Variants in CCT8 observed in about 807,000 individuals in gnomAD.
CCT8 encodes the protein chaperonin containing TCP1 subunit 8, also known as T-complex protein 1 subunit theta.
CCT8 carries 10 observed loss-of-function variants against 65.7 expected under a neutral mutation model. The ratio of observed to expected loss-of-function variants is 0.15; its 90% CI spans 0.09 to 0.26. CCT8 has a LOEUF of 0.26. Ranked by LOEUF, CCT8 falls within the 10% of genes least tolerant of loss-of-function variation. The pLI, the probability that CCT8 is intolerant of heterozygous loss-of-function variation, is 1.00. For missense variants in CCT8, 568 were observed against 669.1 expected (o/e 0.85, Z 1.67); for synonymous variants, 199 against 221.8 (o/e 0.90, Z 0.92).
chr21:29,062,703 T>C, intron 8 of CCT8, 147 bp from the exon 9 acceptor site: 1 of 668,144 alleles, frequency 1.5e-6, no homozygotes, highest in Non-Finnish European at 2.5e-6. Flanking sequence ...TGGATTGCAA[T>C]GAACACTAAG....
At chr21:29,066,205 G>T (rs566566521) in intron 6 of CCT8, among the ~76,000 whole-genome samples, 2 of 152,056 alleles carry the variant, frequency 1.3e-5, no homozygotes, top group Non-Finnish European at 2.9e-5. Context: ...TAAATAGGTA[G>T]TAGTATTATT....
At chr21:29,060,237 T>C (rs1345239961) in intron 14 of CCT8, 1 of 183,650 alleles carries the variant, frequency 5.4e-6, no homozygotes, top group African/African-American at 2.4e-5. Flanking sequence ...TTCAAGCTGG[T>C]GGTCTGCAAT....
rs2085631094 is a variant in CCT8, at chr21:29,067,004, G to A, written c.449C>T (p.Ser150Phe). The A allele has an allele frequency of 1.9e-6, 3 of 1,613,472 alleles. No individual in the cohort carries two copies. The highest frequency in any genetic ancestry group is 1.3e-5 in the African/African-American group (1 of 74,888). The stretch of plus-strand genomic sequence containing the variant: ...ATCAATATCTCGAAGGTTTTTTGCA[G>A]AACAACATACCAAATTAGGAAGAAT... The part of the protein sequence containing the change: ...HEILPNLVCC[S>F]AKNLRDIDEV... Residue 150 changes from serine to phenylalanine, a missense_variant, in exon 5 of 15, where the codon TCT becomes TTT. Transcript: ENST00000286788.
intron 4 of CCT8, 43 bp downstream of exon 4, chr21:29,067,513 T>C: frequency 1.4e-6 from 2 of 1,419,100 alleles, no homozygotes; most frequent in Non-Finnish European, 1.8e-6. Context: ...GGTGTATATG[T>C]AAGCAAAAAT....
chr21:29,073,625 C>T lies in CCT8; in HGVS notation c.-35G>A, dbSNP rs1390142378. On this transcript the variant is annotated 5_prime_UTR_variant, in exon 1 of 15. Transcript: ENST00000286788. ...GCAGGAAGCAGTTCACGCGACCGCTCGGAAGACCGCGGAGGAAGCGAGGAG... is the reference window on the plus strand; with the variant it reads ...GCAGGAAGCAGTTCACGCGACCGCTTGGAAGACCGCGGAGGAAGCGAGGAG... 5.6e-6 allele frequency: 9 copies of T among 1,601,840 alleles called. No homozygotes were observed. The highest frequency in any genetic ancestry group is 6.0e-6 in the Non-Finnish European group (7 of 1,169,740).
intron 6 of CCT8, among the ~76,000 whole-genome samples, chr21:29,065,813 T>G (rs1316091479): frequency 2.0e-5 from 3 of 152,354 alleles, no homozygotes; most frequent in East Asian, 1.9e-4. Context: ...CTGGGCGCGG[T>G]GGCTCACACC....
rs767175745 is a variant in CCT8, at chr21:29,060,579, C to A, written c.1531G>T (p.Ala511Ser). 32 of 1,613,720 alleles carry A rather than the reference C, an allele frequency of 2.0e-5. No homozygotes were observed. Among genetic ancestry groups the A allele is most frequent in the Non-Finnish European group, 2.6e-5 (31 of 1,179,810 alleles). Reference sequence around the variant, plus strand: ...AGTACAGTGACTGCAGCATTAGTAGCGAGTTTGATAGCCCAATATTTTCCC... The same window carrying A: ...AGTACAGTGACTGCAGCATTAGTAGAGAGTTTGATAGCCCAATATTTTCCC... ...YLGKYWAIKL[A>S]TNAAVTVLRV... The change falls in exon 14 of 15, where the codon GCT becomes TCT. Residue 511 changes from alanine to serine, a missense_variant. Coordinates refer to ENST00000286788, the MANE Select transcript of CCT8 (RefSeq NM_006585.4).
Position 29,061,172 on chromosome 21 carries a change from A to T in CCT8, c.1449+81T>A, listed in dbSNP as rs149069543. ...CAAATCAGAACACTGTTTCTCATTG[A>T]TATTTCTTTTAAACTCATACTATTT... On this transcript the variant is annotated intron_variant, in intron 13 of 14. Coordinates refer to ENST00000286788, the MANE Select transcript of CCT8 (RefSeq NM_006585.4). 1,776 of 1,106,608 alleles carry T rather than the reference A, an allele frequency of 1.6e-3. 1 individual carries two copies. Among genetic ancestry groups the T allele is most frequent in the Non-Finnish European group, 2.1e-3 (1,539 of 748,176 alleles). The allele number at this position is 1,106,608 out of a possible 1,614,324, so 68.5% of individuals were successfully genotyped here.
chr21:29,066,062 A>C (rs1483743015), intron 6 of CCT8, among the ~76,000 whole-genome samples: 3 of 144,354 alleles, frequency 2.1e-5, no homozygotes, highest in Non-Finnish European at 4.5e-5. Flanking sequence ...AACCTGGGCA[A>C]CAGAGCCAGA....
chr21:29,070,111 T>C (rs2085664882), intron 2 of CCT8, 136 bp downstream of exon 2: 1 of 486,406 alleles, frequency 2.1e-6, no homozygotes, highest in Non-Finnish European at 3.6e-6. Context: ...TAACTAAAAA[T>C]TGGAAATGAA....
chr21:29,065,919 A>G (rs998638664), intron 6 of CCT8, among the ~76,000 whole-genome samples: 2 of 151,724 alleles, frequency 1.3e-5, no homozygotes. Context: ...TGCCTCTACT[A>G]AAAAAATACA....
At chr21:29,062,935 A>C in intron 8 of CCT8, 1 of 324,576 alleles carries the variant, frequency 3.1e-6, no homozygotes, top group South Asian at 4.2e-5. Context: ...TGTGAACAAG[A>C]GTGATTTATT....
At position 29,062,204 on chromosome 21, in the gene CCT8, C is replaced by A. The variant is rs1194536194; in HGVS notation, c.1136G>T (p.Gly379Val). 1 of 1,613,824 alleles carries A rather than the reference C, an allele frequency of 6.2e-7. No individual in the cohort carries two copies. Among genetic ancestry groups the A allele is most frequent in the East Asian group, 2.2e-5 (1 of 44,868 alleles). Residue 379 changes from glycine to valine, a missense_variant, in exon 11 of 15, where the codon GGC becomes GTC. Physicochemically the swap from Gly to Val is moderately radical, Grantham distance 109 (BLOSUM62 -3). Coordinates refer to ENST00000286788, the MANE Select transcript of CCT8 (RefSeq NM_006585.4). Reference protein sequence around the residue: ...DGAISTIVLRGSTDNLMDDIE... With the variant: ...DGAISTIVLRVSTDNLMDDIE... ...GTCATCCATCAGATTGTCTGTAGAG[C>A]CTCGAAGTACTATGGTAGAAATGGC...
At chr21:29,073,507 T>A (rs1342635260) in intron 1 of CCT8, 24 bp downstream of exon 1, 1 of 1,613,834 alleles carries the variant, frequency 6.2e-7, no homozygotes, top group Admixed American at 1.7e-5. Context: ...CGCTCCCACC[T>A]CATTCCTTTC....
At chr21:29,061,588 A>G (rs1414263854) in intron 11 of CCT8, 21 bp from the exon 12 acceptor site, 1 of 1,225,298 alleles carries the variant, frequency 8.2e-7, no homozygotes. Flanking sequence ...CGCCCCCACC[A>G]AAAAAAAAAT....
At chr21:29,063,608 G>T in intron 7 of CCT8, 78 bp from the exon 8 acceptor site, 1 of 1,439,748 alleles carries the variant, frequency 6.9e-7, no homozygotes. Flanking sequence ...ATAGTTGACT[G>T]AAGAAATAAA....
chr21:29,068,585 G>GT (rs2085649285), intron 3 of CCT8, among the ~76,000 whole-genome samples: 1 of 151,936 alleles, frequency 6.6e-6, no homozygotes, highest in African/African-American at 2.4e-5. Context: ...CTAGCCTACT[G>GT]AGTAGCTGGA....
Position 29,069,518 on chromosome 21 carries a change from TA to T in CCT8, c.152-17del. ...TTGTTCATTCCTCAAAAGTAACAGTTAAAAAAAGAAAAAGAAAGCCATTATT... is the reference window on the plus strand; with the variant it reads ...TTGTTCATTCCTCAAAAGTAACAGTTAAAAAAGAAAAAGAAAGCCATTATT... On this transcript the variant is annotated splice_polypyrimidine_tract_variant and intron_variant, in intron 2 of 14. Transcript: ENST00000286788. The T allele has an allele frequency of 2.0e-6, 3 of 1,485,988 alleles. No individual in the cohort carries two copies. The highest frequency in any genetic ancestry group is 1.4e-5 in the African/African-American group (1 of 69,872). The allele number at this position is 1,485,988 out of a possible 1,614,324, so 92.1% of individuals were successfully genotyped here.
intron 6 of CCT8, 54 bp downstream of exon 6, chr21:29,066,662 A>T: frequency 8.4e-7 from 1 of 1,189,982 alleles, no homozygotes; most frequent in Non-Finnish European, 1.2e-6. Flanking sequence ...AAAACAAAAA[A>T]AGCACACAAA....
Sources: gnomAD v4.1 joint callset for allele counts (sites outside exome capture counted in the v4.1 genomes callset) on GRCh38, gnomAD v4.1.1 for gene constraint, MANE v1.5 for transcripts, NCBI Gene and HGNC (gene_info 2026-07-23, HGNC 2026-07-21) for gene names.